ABCB4: variants seen among roughly 807,000 people sequenced by gnomAD.
ABCB4 encodes the protein phosphatidylcholine translocator ABCB4.
In ABCB4, 76 loss-of-function variants were observed where a neutral mutation model predicts 145.7. The ratio of observed to expected loss-of-function variants is 0.52; its 90% CI spans 0.43 to 0.63. The LOEUF is 0.63. Ranked by LOEUF, ABCB4 falls within the 30% of genes least tolerant of loss-of-function variation. The pLI is 0.00. For missense variants in ABCB4, 1,234 were observed against 1,553.1 expected, an observed-to-expected ratio of 0.79 and a Z score of 3.45; for synonymous variants, 517 against 566.8, an observed-to-expected ratio of 0.91 and a Z score of 1.25.
At chr7:87,420,888 G>A (rs1363336286) in intron 18 of ABCB4, among the ~76,000 whole-genome samples, 2 of 152,252 alleles carry the variant, frequency 1.3e-5, no homozygotes, top group East Asian at 3.9e-4. Context: ...AATTCAGTGT[G>A]TTCCTACTAC....
At chr7:87,436,466 GTA>G (rs1270654165) in intron 14 of ABCB4, among the ~76,000 whole-genome samples, 1 of 152,084 alleles carries the variant, frequency 6.6e-6, no homozygotes, top group African/African-American at 2.4e-5. Context: ...TAGATTCTAA[GTA>G]AACTCACAAA....
chr7:87,402,012 T>C lies in ABCB4; in HGVS notation c.*84A>G, dbSNP rs1364042284. The C allele has an allele frequency of 1.9e-6, 3 of 1,547,944 alleles. No homozygotes were observed. Among genetic ancestry groups the C allele is most frequent in the Non-Finnish European group, 2.6e-6 (3 of 1,134,020 alleles). On this transcript the variant is annotated 3_prime_UTR_variant, in exon 28 of 28. Transcript: ENST00000649586. ...AGACAGACATACCTATGTTTTATGA[T>C]GACAAACCAGAAACTTATTTTACAA...
At chr7:87,375,839 T>C in the ABCB4 span, 2 of 1,613,420 alleles carry the variant, frequency 1.2e-6, no homozygotes, top group Non-Finnish European at 1.7e-6. Flanking sequence ...CACGAGAATA[T>C]CTGATTGGTC....
At chr7:87,376,386 A>AT in the ABCB4 span, among the ~76,000 whole-genome samples, 1 of 152,128 alleles carries the variant, frequency 6.6e-6, no homozygotes, top group East Asian at 1.9e-4. Flanking sequence ...TAAGTCATTT[A>AT]TTTTATCATT....
At position 87,431,535 on chromosome 7, in the gene ABCB4, C is replaced by T. The variant is rs773717331; in HGVS notation, c.1762G>A (p.Ala588Thr). 6 of 1,613,984 alleles carry T rather than the reference C, an allele frequency of 3.7e-6. No individual in the cohort carries two copies. Among genetic ancestry groups the T allele is most frequent in the Non-Finnish European group, 5.1e-6 (6 of 1,179,984 alleles). ...AREGRTTIVI[A>T]HRLSTVRNAD... ...TTTCGGACCGTAGACAGTCGGTGTG[C>T]TATCACAATGGTGGTCCGGCCTTCT... Residue 588 changes from alanine to threonine, a missense_variant, in exon 15 of 28, where the codon GCA becomes ACA. This residue lies in a region of ABCB4 where 467 missense variants were observed against 632.8 expected (regional missense o/e 0.74). Transcript: ENST00000649586.
In ABCB4 at chr7:87,426,776, T is replaced by C. The variant is rs759327146; in HGVS notation, c.2038A>G (p.Ser680Gly). The C allele has an allele frequency of 6.2e-7, 1 of 1,613,984 alleles. No homozygotes were observed. The highest frequency in any genetic ancestry group is 1.3e-5 in the African/African-American group (1 of 75,014). The part of the protein sequence containing the change: ...NLKNSQMCQK[S>G]LDVETDGLEA... ...AGTCCATCGGTTTCCACATCAAGGC[T>C]CTTCTGACACATTTGTGAATTTTTA... Residue 680 changes from serine (S) to glycine (G), a missense_variant, in exon 16 of 28, where the codon AGC becomes GGC. Coordinates refer to ENST00000649586, the MANE Select transcript of ABCB4 (RefSeq NM_000443.4).
intron 3 of ABCB4, 63 bp downstream of exon 3, chr7:87,472,558 G>C (rs902797938): frequency 8.7e-6 from 12 of 1,371,604 alleles, no homozygotes; most frequent in Non-Finnish European, 1.2e-5. Context: ...AAAGGTAATT[G>C]ATTCAATACC....
downstream of ABCB4, chr7:87,398,713 T>C: frequency 6.9e-7 from 1 of 1,451,968 alleles, no homozygotes; most frequent in Non-Finnish European, 9.4e-7. Flanking sequence ...GAGTTGGTAA[T>C]ATGAGATGGG....
At chr7:87,409,052 G>T (rs900148871) in intron 24 of ABCB4, among the ~76,000 whole-genome samples, 184 bp downstream of exon 24, 2 of 151,364 alleles carry the variant, frequency 1.3e-5, no homozygotes, top group African/African-American at 2.4e-5. Context: ...CAGGATCCTT[G>T]AAACCACCTA....
intron 14 of ABCB4, among the ~76,000 whole-genome samples, chr7:87,434,082 C>T (rs1359433349): frequency 6.6e-6 from 1 of 151,076 alleles, no homozygotes; most frequent in Non-Finnish European, 1.5e-5. Flanking sequence ...GTGCCCACCA[C>T]CACACCTGGC....
chr7:87,377,912 C>T, the ABCB4 span, among the ~76,000 whole-genome samples: 1 of 152,116 alleles, frequency 6.6e-6, no homozygotes, highest in Non-Finnish European at 1.5e-5. Context: ...GCAGTTACTA[C>T]CATTTTGACC....
intron 3 of ABCB4, among the ~76,000 whole-genome samples, chr7:87,468,691 G>T (rs1354842084): frequency 1.3e-5 from 2 of 152,064 alleles, no homozygotes; most frequent in Non-Finnish European, 2.9e-5. Context: ...GCAGCACTTT[G>T]GGAGGCTGAG....
At chr7:87,379,659 G>T in the ABCB4 span, among the ~76,000 whole-genome samples, 4 of 152,116 alleles carry the variant, frequency 2.6e-5, no homozygotes, top group South Asian at 8.3e-4. Context: ...TATAGTGTGC[G>T]GACATGTTTT....
the ABCB4 span, among the ~76,000 whole-genome samples, chr7:87,374,638 GA>G: frequency 6.6e-6 from 1 of 152,072 alleles, no homozygotes. Flanking sequence ...GCAGATTGGT[GA>G]AGAAACCCTT....
chr7:87,461,830 A>C lies in ABCB4; in HGVS notation c.286+928T>G, dbSNP rs45485398. Among the ~76,000 whole-genome samples the C allele has an allele frequency of 2.3e-3, 357 of 152,360 alleles. 1 individual carries two copies. Among genetic ancestry groups the C allele is most frequent in the Non-Finnish European group, 4.0e-3 (272 of 68,034 alleles). ...AATTACACGTAAGGCCTACAATAGT[A>C]ACTAAATATGTAGTTCTCAGTCAGT... is the stretch of plus-strand genomic sequence containing the variant. On this transcript the variant is annotated intron_variant, in intron 4 of 27. Transcript: ENST00000649586.
intron 24 of ABCB4, 82 bp from the exon 25 acceptor site, chr7:87,408,316 C>A: frequency 7.3e-7 from 1 of 1,365,410 alleles, no homozygotes; most frequent in Non-Finnish European, 1.0e-6. Flanking sequence ...GAAACTTTAC[C>A]AAAGACTGTA....
At chr7:87,404,569 A>G (rs1262389323) in intron 26 of ABCB4, among the ~76,000 whole-genome samples, 1 of 152,222 alleles carries the variant, frequency 6.6e-6, no homozygotes, top group Non-Finnish European at 1.5e-5. Context: ...TATAGGATGA[A>G]TAAACAAGCT....
At position 87,443,378 on chromosome 7, in the gene ABCB4, A is replaced by G; in HGVS notation, c.1297T>C (p.Cys433Arg). 2 of 1,614,162 alleles carry G rather than the reference A, an allele frequency of 1.2e-6. No individual in the cohort carries two copies. The highest frequency in any genetic ancestry group is 1.7e-6 in the Non-Finnish European group (2 of 1,180,024). ...QTVALVGSSG[C>R]GKSTTVQLIQ... ...AGCTGGACCGTTGTGCTCTTCCCAC[A>G]GCCACTACTTCCAACCAGGGCCACC... Residue 433 changes from cysteine to arginine, a missense_variant, in exon 12 of 28, where the codon TGT becomes CGT. Transcript: ENST00000649586.
chr7:87,422,094 T>C (rs2116512447), intron 18 of ABCB4, 27 bp downstream of exon 18: 1 of 1,472,632 alleles, frequency 6.8e-7, no homozygotes, highest in Non-Finnish European at 9.5e-7. Context: ...ATAAACTTGA[T>C]GAGAAAGGCA....
Sources: gnomAD v4.1 joint callset for allele counts (sites outside exome capture counted in the v4.1 genomes callset) on GRCh38, gnomAD v4.1.1 for gene constraint, gnomAD v4.1.1 regional missense constraint, MANE v1.5 for transcripts, NCBI Gene and HGNC (gene_info 2026-07-23, HGNC 2026-07-21) for gene names.